FAM135B: variants seen among roughly 807,000 people sequenced by gnomAD.
FAM135B encodes the protein family with sequence similarity 135 member B, also known as protein FAM135B.
FAM135B carries 43 observed loss-of-function variants against 127.7 expected under a neutral mutation model. The observed-to-expected ratio is 0.34, with a 90% CI of 0.26 to 0.43. FAM135B has a LOEUF of 0.43. Ranked by LOEUF, FAM135B falls within the 20% of genes least tolerant of loss-of-function variation. The probability of loss-of-function intolerance (pLI) is 1.00; values close to 1 mark genes in which losing one functional copy is unlikely to be tolerated. For missense variants in FAM135B, 1,558 were observed against 1,725.6 expected (o/e 0.90, Z 1.72); for synonymous variants, 670 against 665.1 (o/e 1.01, Z -0.11).
chr8:138,216,577 G>T (rs1818563796), intron 7 of FAM135B, among the ~76,000 whole-genome samples: 1 of 152,188 alleles, frequency 6.6e-6, no homozygotes, highest in Admixed American at 6.5e-5. Flanking sequence ...ATGGCCAAGA[G>T]AAAGCTTCAA....
chr8:138,420,421 T>C (rs1472764416), intron 1 of FAM135B, among the ~76,000 whole-genome samples: 1 of 151,994 alleles, frequency 6.6e-6, no homozygotes, highest in African/African-American at 2.4e-5. Context: ...TTACCAGATA[T>C]AGACAGTACA....
chr8:138,185,949 AT>A (rs1161227327), intron 9 of FAM135B, among the ~76,000 whole-genome samples: 1 of 152,096 alleles, frequency 6.6e-6, no homozygotes, highest in Non-Finnish European at 1.5e-5. Flanking sequence ...CCTGCCCTGC[AT>A]CCCCACCTGA....
intron 2 of FAM135B, among the ~76,000 whole-genome samples, chr8:138,355,673 C>G (rs1055597028): frequency 2.0e-5 from 3 of 152,054 alleles, no homozygotes; most frequent in African/African-American, 4.8e-5. Flanking sequence ...AGGAAGAGAC[C>G]CTGGCAGGTG....
At position 138,319,068 on chromosome 8, in the gene FAM135B, C is replaced by T. The variant is rs191623476; in HGVS notation, c.78-8148G>A. 2.5e-3 allele frequency among the ~76,000 whole-genome samples: 353 copies of T among 139,478 alleles called. 3 individuals carry two copies. Among genetic ancestry groups the T allele is most frequent in the African/African-American group, 9.2e-3 (346 of 37,536 alleles). The allele number at this position is 139,478 out of a possible 152,430, so 91.5% of individuals were successfully genotyped here. ...AAAGATTTGTGCAAGTTCACAGACTCAGTAAGTAAATCTACAAGTTTTTTT... is the reference window on the plus strand; with the variant it reads ...AAAGATTTGTGCAAGTTCACAGACTTAGTAAGTAAATCTACAAGTTTTTTT... On this transcript the variant is annotated intron_variant, in intron 2 of 19. Coordinates refer to ENST00000395297, the MANE Select transcript of FAM135B (RefSeq NM_015912.4).
intron 1 of FAM135B, among the ~76,000 whole-genome samples, chr8:138,423,553 G>T (rs1295187014): frequency 6.6e-6 from 1 of 152,152 alleles, no homozygotes; most frequent in Non-Finnish European, 1.5e-5. Context: ...GGGAGTGTAT[G>T]AATAGGGTGT....
At chr8:138,209,480 A>C (rs1270356015) in intron 7 of FAM135B, among the ~76,000 whole-genome samples, 3 of 152,194 alleles carry the variant, frequency 2.0e-5, no homozygotes, top group Non-Finnish European at 4.4e-5. Context: ...AACAAAGTGC[A>C]GGGAGACAGA....
chr8:138,195,156 TG>T, intron 9 of FAM135B, 101 bp downstream of exon 9: 1 of 1,031,948 alleles, frequency 9.7e-7, no homozygotes, highest in Non-Finnish European at 1.5e-6. Flanking sequence ...AAGTTACAAG[TG>T]GTGTCTTTTC....
chr8:138,170,122 C>T (rs918906300), intron 11 of FAM135B, among the ~76,000 whole-genome samples: 5 of 151,986 alleles, frequency 3.3e-5, no homozygotes, highest in Non-Finnish European at 7.4e-5. Flanking sequence ...CCCTGCCATC[C>T]TTAAATTTGA....
chr8:138,188,752 G>T (rs887807331), intron 9 of FAM135B, among the ~76,000 whole-genome samples: 3 of 152,112 alleles, frequency 2.0e-5, no homozygotes, highest in Non-Finnish European at 4.4e-5. Flanking sequence ...GCTGCTTCCA[G>T]GTTCCATCTA....
At position 138,151,290 on chromosome 8, in the gene FAM135B, G is replaced by T. The variant is rs1387645723; in HGVS notation, c.3185C>A (p.Thr1062Asn). The change falls in exon 13 of 20, where the codon ACC becomes AAC. Residue 1062 changes from threonine to asparagine, a missense_variant. This residue lies in a region of FAM135B where 923 missense variants were observed against 865.3 expected (regional missense o/e 1.07). Coordinates refer to ENST00000395297, the MANE Select transcript of FAM135B (RefSeq NM_015912.4). ...PARAGFSSKQ[T>N]LFPITHQPLG... is the part of the protein sequence containing the mutation. ...AGGCTGATGGGTGATGGGAAACAGG[G>T]TCTGTTTGGAAGAGAATCCAGCCCT... The T allele has an allele frequency of 8.7e-6, 14 of 1,613,904 alleles. No homozygotes were observed. Among genetic ancestry groups the T allele is most frequent in the Non-Finnish European group, 1.1e-5 (13 of 1,179,946 alleles).
At chr8:138,222,408 C>T (rs1819095598) in intron 7 of FAM135B, among the ~76,000 whole-genome samples, 1 of 152,168 alleles carries the variant, frequency 6.6e-6, no homozygotes, top group Non-Finnish European at 1.5e-5. Context: ...AAAACTTCCC[C>T]ACCAAAGCCC....
At chr8:138,180,067 C>T (rs889785784) in intron 9 of FAM135B, among the ~76,000 whole-genome samples, 2 of 152,114 alleles carry the variant, frequency 1.3e-5, no homozygotes, top group African/African-American at 4.8e-5. Flanking sequence ...GGAGAAGACC[C>T]TTTGGACAGA....
chr8:138,400,802 C>T (rs1353283614), intron 1 of FAM135B, among the ~76,000 whole-genome samples: 2 of 152,096 alleles, frequency 1.3e-5, no homozygotes, highest in Non-Finnish European at 2.9e-5. Context: ...CTCCAAAATC[C>T]ATACAATAGG....
In FAM135B at chr8:138,395,336, G is replaced by A. The variant is rs113905336; in HGVS notation, c.-19-27334C>T. ...AGCAGGAGCCTGGCTGGGAGACGCC[G>A]CACCTGCTTGGTTATGGAGGTCTTC... On this transcript the variant is annotated intron_variant, in intron 1 of 19. Coordinates refer to ENST00000395297, the MANE Select transcript of FAM135B (RefSeq NM_015912.4). Among the ~76,000 whole-genome samples, 90 of 152,136 alleles carry A rather than the reference G, an allele frequency of 5.9e-4. 1 individual carries two copies. Among genetic ancestry groups the A allele is most frequent in the Middle Eastern group, 3.4e-3 (1 of 294 alleles).
chr8:138,369,921 T>G (rs1272312229), intron 1 of FAM135B, among the ~76,000 whole-genome samples: 1 of 152,160 alleles, frequency 6.6e-6, no homozygotes, highest in Admixed American at 6.5e-5. Context: ...GTTCCCCTCC[T>G]GATCTCTGAT....
intron 2 of FAM135B, among the ~76,000 whole-genome samples, chr8:138,319,782 C>A (rs1368655906): frequency 6.6e-6 from 1 of 152,146 alleles, no homozygotes; most frequent in Non-Finnish European, 1.5e-5. Context: ...ATATGTTGGG[C>A]AAAACAGAAT....
At chr8:138,183,498 C>T (rs568554132) in intron 9 of FAM135B, among the ~76,000 whole-genome samples, 1 of 152,176 alleles carries the variant, frequency 6.6e-6, no homozygotes. Flanking sequence ...CTGCTCAACT[C>T]GCTTCAATAT....
At chr8:138,302,359 C>T (rs990463767) in intron 3 of FAM135B, among the ~76,000 whole-genome samples, 1 of 152,098 alleles carries the variant, frequency 6.6e-6, no homozygotes, top group Non-Finnish European at 1.5e-5. Context: ...CTTCAGGGGC[C>T]CTCCACTTGT....
intron 1 of FAM135B, among the ~76,000 whole-genome samples, chr8:138,403,622 C>T (rs1833279206): frequency 6.6e-6 from 1 of 152,194 alleles, no homozygotes; most frequent in East Asian, 1.9e-4. Context: ...GTTGACAAGG[C>T]ATCCCAATAC....
Sources: allele counts gnomAD v4.1 joint callset (sites outside exome capture counted in the v4.1 genomes callset), GRCh38; gene constraint gnomAD v4.1.1; regional missense constraint gnomAD v4.1.1; transcripts MANE v1.5; gene names NCBI Gene and HGNC (gene_info 2026-07-23, HGNC 2026-07-21).